NDUFA5: variants seen among roughly 807,000 people sequenced by gnomAD.
The protein encoded by NDUFA5 is NADH dehydrogenase [ubiquinone] 1 alpha subcomplex subunit 5.
Under a neutral mutation model 19.8 loss-of-function variants are expected in NDUFA5, and 11 were observed. The observed-to-expected ratio is 0.56, with a 90% confidence interval of 0.35 to 0.92. The LOEUF is 0.92. NDUFA5 is among the 40% of genes least tolerant of loss of function. The pLI is 0.01. For synonymous variants in NDUFA5, 47 were observed against 46.8 expected (o/e 1.00, Z -0.01); for missense variants, 109 against 134.2 (o/e 0.81, Z 0.93).
At chr7:123,560,676 C>T (rs985781802), upstream of NDUFA5, among the ~76,000 whole-genome samples, 2 of 152,130 alleles carry the variant, frequency 1.3e-5, no homozygotes, top group East Asian at 3.9e-4. Flanking sequence ...ATGGTATGCT[C>T]ATATTTACCT....
the NDUFA5 span, among the ~76,000 whole-genome samples, chr7:123,592,652 G>A: frequency 2.6e-5 from 4 of 152,264 alleles, no homozygotes; most frequent in South Asian, 4.1e-4. Context: ...CTGAGAGACC[G>A]TTTGTTGCGA....
the NDUFA5 span, among the ~76,000 whole-genome samples, chr7:123,591,152 A>C: frequency 3.9e-5 from 6 of 152,292 alleles, no homozygotes; most frequent in African/African-American, 1.4e-4. Flanking sequence ...TTGATTTTGT[A>C]TCCTGAGACT....
chr7:123,547,797 T>C (rs2116102502), intron 3 of NDUFA5, among the ~76,000 whole-genome samples: 1 of 152,288 alleles, frequency 6.6e-6, no homozygotes, highest in South Asian at 2.1e-4. Context: ...TAGTGAATAA[T>C]GTGATTTTTA....
At chr7:123,564,051 C>T in the NDUFA5 span, among the ~76,000 whole-genome samples, 1 of 152,186 alleles carries the variant, frequency 6.6e-6, no homozygotes, top group Non-Finnish European at 1.5e-5. Context: ...AATTGTAAAA[C>T]AACACAGACG....
chr7:123,570,058 G>A, the NDUFA5 span, among the ~76,000 whole-genome samples: 12,943 of 134,234 alleles, frequency 0.096, 728 homozygotes, highest in African/African-American at 0.16. Flanking sequence ...TTTTTGAGAC[G>A]GAGTCTGGCT....
At chr7:123,569,811 C>T in the NDUFA5 span, among the ~76,000 whole-genome samples, 3 of 151,956 alleles carry the variant, frequency 2.0e-5, no homozygotes, top group South Asian at 4.2e-4. Context: ...GAGGCAAGCC[C>T]GTTAAGTATA....
At chr7:123,543,079 G>A (rs1012324229) in intron 4 of NDUFA5, among the ~76,000 whole-genome samples, 1 of 151,942 alleles carries the variant, frequency 6.6e-6, no homozygotes, top group Non-Finnish European at 1.5e-5. Context: ...CTATGACAGC[G>A]GTCCCAAAAG....
At chr7:123,600,925 G>C in the NDUFA5 span, among the ~76,000 whole-genome samples, 2 of 152,230 alleles carry the variant, frequency 1.3e-5, no homozygotes, top group Admixed American at 6.5e-5. Context: ...TCAGGAAAAA[G>C]GGAAGAATCA....
rs984985134 is a variant in NDUFA5 at position 123,538,981 on chromosome 7, C to T, written c.*3138G>A. 3.9e-5 allele frequency: 6 copies of T among 152,078 alleles called. No individual in the cohort carries two copies. The highest frequency in any genetic ancestry group is 1.9e-4 in the East Asian group (1 of 5,190). 9.4% of individuals were successfully genotyped at this position (152,078 alleles called of 1,614,324 possible). A position where few individuals can be genotyped will look rare whatever the true frequency, so the allele number is the denominator to read the frequency against. Reference sequence around the variant, plus strand: ...CCTCTGAATGTGATTAGAAAATTGACAATAAAATATAAGCTCTCTTTTCTT... The same window carrying T: ...CCTCTGAATGTGATTAGAAAATTGATAATAAAATATAAGCTCTCTTTTCTT... On this transcript the variant is annotated 3_prime_UTR_variant, in exon 5 of 5. Transcript: ENST00000355749.
the NDUFA5 span, among the ~76,000 whole-genome samples, chr7:123,571,588 C>G: frequency 6.6e-6 from 1 of 151,862 alleles, no homozygotes; most frequent in Admixed American, 6.6e-5. Flanking sequence ...GTTCAATTCC[C>G]CAAAAGAGAA....
chr7:123,539,943 T>C lies in NDUFA5; in HGVS notation c.*2176A>G, dbSNP rs978791458. 6.6e-6 allele frequency: 1 copy of C among 152,194 alleles called. No homozygotes were observed. Among genetic ancestry groups the C allele is most frequent in the African/African-American group, 2.4e-5 (1 of 41,462 alleles). 9.4% of individuals were successfully genotyped at this position (152,194 alleles called of 1,614,324 possible). A position where few individuals can be genotyped will look rare whatever the true frequency, so the allele number is the denominator to read the frequency against. ...AGTCACAACATCCCAAGCATATTCA[T>C]AAATAATAATATAACAGGAGCATCA... On this transcript the variant is annotated 3_prime_UTR_variant, in exon 5 of 5. Coordinates refer to ENST00000355749, the MANE Select transcript of NDUFA5 (RefSeq NM_005000.5).
intron 2 of NDUFA5, chr7:123,556,598 C>T (rs1185563036): frequency 4.2e-6 from 1 of 238,016 alleles, no homozygotes; most frequent in Non-Finnish European, 8.3e-6. Context: ...GAAAAAGTGT[C>T]AAATGTGTCA....
the NDUFA5 span, among the ~76,000 whole-genome samples, chr7:123,565,229 CTT>C: frequency 2.0e-5 from 3 of 152,196 alleles, no homozygotes; most frequent in African/African-American, 7.2e-5. Context: ...TCTTCTGTCT[CTT>C]TGTTCAAGCC....
intron 2 of NDUFA5, among the ~76,000 whole-genome samples, chr7:123,554,042 A>G (rs1454796004): frequency 1.3e-5 from 2 of 152,220 alleles, no homozygotes; most frequent in African/African-American, 4.8e-5. Flanking sequence ...AGTGGTATAT[A>G]GTTCTATTTT....
chr7:123,580,851 C>A, the NDUFA5 span, among the ~76,000 whole-genome samples: 1 of 151,958 alleles, frequency 6.6e-6, no homozygotes, highest in Non-Finnish European at 1.5e-5. Flanking sequence ...TATTATACCG[C>A]AAACCACTAA....
chr7:123,559,139 C>G (rs748946064), upstream of NDUFA5, among the ~76,000 whole-genome samples: 1 of 151,728 alleles, frequency 6.6e-6, no homozygotes, highest in Non-Finnish European at 1.5e-5. Flanking sequence ...TCACTAATAG[C>G]CTTGCTGAAA....
At chr7:123,543,810 TC>T (rs1167577547) in intron 4 of NDUFA5, among the ~76,000 whole-genome samples, 6 of 152,168 alleles carry the variant, frequency 3.9e-5, no homozygotes, top group African/African-American at 1.4e-4. Context: ...TGCGGCAAGT[TC>T]CCATAACACT....
At chr7:123,594,742 G>A in the NDUFA5 span, among the ~76,000 whole-genome samples, 1 of 152,298 alleles carries the variant, frequency 6.6e-6, no homozygotes, top group East Asian at 1.9e-4. Flanking sequence ...ACGGGGGTCA[G>A]GGACCCACTT....
rs201784621 is a variant in NDUFA5 at position 123,540,883 on chromosome 7, TGC to T, written c.*1234_*1235del. On this transcript the variant is annotated 3_prime_UTR_variant, in exon 5 of 5. Transcript: ENST00000355749. ...TTCTCATTCTGAGCAAATGTGCGCATGCGCGTGCACACACACACACACACACA... is the reference window on the plus strand; with the variant it reads ...TTCTCATTCTGAGCAAATGTGCGCATGCGTGCACACACACACACACACACA... The T allele has an allele frequency of 0.026, 2,304 of 89,010 alleles. 34 individuals carry two copies. The highest frequency in any genetic ancestry group is 0.056 in the South Asian group (155 of 2,758). 5.5% of individuals were successfully genotyped at this position (89,010 alleles called of 1,614,324 possible). A position where few individuals can be genotyped will look rare whatever the true frequency, so the allele number is the denominator to read the frequency against.
Sources: allele counts gnomAD v4.1 joint callset (sites outside exome capture counted in the v4.1 genomes callset), GRCh38; gene constraint gnomAD v4.1.1; transcripts MANE v1.5; gene names NCBI Gene and HGNC (gene_info 2026-07-23, HGNC 2026-07-21).